NCOA1: variants seen among roughly 807,000 people sequenced by gnomAD.
NCOA1 encodes the protein Hin-2 protein.
A neutral mutation model predicts 150.9 loss-of-function variants in NCOA1; 35 were observed. The observed-to-expected ratio is 0.23, with a 90% CI of 0.18 to 0.31. NCOA1 has a LOEUF of 0.31. NCOA1 is among the 10% of genes least tolerant of loss of function. The pLI is 1.00. For synonymous variants in NCOA1, 590 were observed against 630.0 expected, an observed-to-expected ratio of 0.94 and a Z score of 0.95; for missense variants, 1,491 against 1,749.3, an observed-to-expected ratio of 0.85 and a Z score of 2.63.
chr2:24,564,725 G>C (rs1361559561), intron 2 of NCOA1: 1 of 152,108 alleles, frequency 6.6e-6, no homozygotes, highest in African/African-American at 2.4e-5. Context: ...GTTCAGGGTG[G>C]TATGGCTGTA....
intron 1 of NCOA1, among the ~76,000 whole-genome samples, chr2:24,493,343 G>T: frequency 6.6e-6 from 1 of 152,102 alleles, no homozygotes; most frequent in Non-Finnish European, 1.5e-5. Flanking sequence ...GTCTGAGTTG[G>T]GAATATATGG....
intron 13 of NCOA1, among the ~76,000 whole-genome samples, chr2:24,709,702 A>G (rs1003135359): frequency 5.3e-5 from 8 of 152,202 alleles, no homozygotes; most frequent in African/African-American, 1.9e-4. Context: ...TGCTTTTTGC[A>G]CATGTGTAAC....
chr2:24,541,689 A>G (rs1363656057), intron 1 of NCOA1, among the ~76,000 whole-genome samples: 1 of 152,248 alleles, frequency 6.6e-6, no homozygotes, highest in Admixed American at 6.5e-5. Context: ...AAAAGATTTT[A>G]ACACTGATCT....
At chr2:24,738,127 T>G (rs1259930340) in intron 17 of NCOA1, among the ~76,000 whole-genome samples, 2 of 152,112 alleles carry the variant, frequency 1.3e-5, no homozygotes, top group Non-Finnish European at 2.9e-5. Flanking sequence ...TGGTTTGTTT[T>G]CTGATCTAAT....
intron 1 of NCOA1, among the ~76,000 whole-genome samples, chr2:24,546,784 G>T (rs1008657294): frequency 6.6e-6 from 1 of 152,274 alleles, no homozygotes; most frequent in African/African-American, 2.4e-5. Context: ...GGTAACTGGT[G>T]TGGGCTGGAC....
At chr2:24,756,147 G>A (rs1233105178) in intron 20 of NCOA1, among the ~76,000 whole-genome samples, 2 of 151,696 alleles carry the variant, frequency 1.3e-5, no homozygotes, top group Non-Finnish European at 2.9e-5. Context: ...CTAGCTACTC[G>A]GGAGGCTGAG....
intron 10 of NCOA1, among the ~76,000 whole-genome samples, chr2:24,693,709 T>C (rs1394203549): frequency 6.6e-6 from 1 of 151,326 alleles, no homozygotes; most frequent in Non-Finnish European, 1.5e-5. Context: ...GTTTTACTAT[T>C]ATGCTTAAAC....
intron 3 of NCOA1, among the ~76,000 whole-genome samples, chr2:24,599,215 C>CACATGTG (rs1334143337): frequency 6.6e-6 from 1 of 152,060 alleles, no homozygotes; most frequent in African/African-American, 2.4e-5. Flanking sequence ...GAATGATGTA[C>CACATGTG]ACATGTGACT....
At chr2:24,517,004 GCA>G (rs72422469) in intron 1 of NCOA1, among the ~76,000 whole-genome samples, 29,526 of 81,126 alleles carry the variant, frequency 0.36, 4,988 homozygotes, top group Admixed American at 0.47. Flanking sequence ...ACACACGCGC[GCA>G]CACACACACA....
chr2:24,740,255 A>T (rs1321595439), intron 18 of NCOA1, among the ~76,000 whole-genome samples: 1 of 152,218 alleles, frequency 6.6e-6, no homozygotes, highest in African/African-American at 2.4e-5. Flanking sequence ...AGAGATAAAT[A>T]CAGCCATGCA....
At chr2:24,658,350 T>C (rs982690616) in intron 4 of NCOA1, among the ~76,000 whole-genome samples, 25 of 152,234 alleles carry the variant, frequency 1.6e-4, no homozygotes, top group African/African-American at 5.8e-4. Flanking sequence ...AAATGATTAT[T>C]TTCTCTTTGG....
At chr2:24,762,334 A>T (rs923769620) in intron 21 of NCOA1, among the ~76,000 whole-genome samples, 1 of 152,244 alleles carries the variant, frequency 6.6e-6, no homozygotes, top group Non-Finnish European at 1.5e-5. Flanking sequence ...GTCTACCACT[A>T]ATTAACATAT....
At chr2:24,765,530 G>A (rs1209778454) in intron 22 of NCOA1, among the ~76,000 whole-genome samples, 1 of 151,146 alleles carries the variant, frequency 6.6e-6, no homozygotes, top group Non-Finnish European at 1.5e-5. Context: ...GAAATGAAGA[G>A]TCTTCATTCA....
intron 5 of NCOA1, among the ~76,000 whole-genome samples, chr2:24,659,975 C>G (rs1671107432): frequency 1.3e-5 from 2 of 152,226 alleles, no homozygotes; most frequent in Admixed American, 1.3e-4. Flanking sequence ...ATGCTGCTTT[C>G]TCTCATGGGA....
chr2:24,654,069 A>C (rs930478683), intron 4 of NCOA1, among the ~76,000 whole-genome samples: 1 of 152,162 alleles, frequency 6.6e-6, no homozygotes, highest in African/African-American at 2.4e-5. Flanking sequence ...GGTTAATCTT[A>C]TTTATGCTTC....
rs376500275 is a variant in NCOA1 at position 24,665,884 on chromosome 2, T to C, written c.225T>C (p.Asp75=). 5.3e-5 allele frequency: 84 copies of C among 1,594,492 alleles called. No individual in the cohort carries two copies. The highest frequency in any genetic ancestry group is 6.7e-5 in the Non-Finnish European group (78 of 1,169,936). ...DKCKILKKTV[D]QIQLMKRMEQ... ...GCAAGATTTTGAAGAAAACAGTCGATCAGATACAGCTAATGAAGAGAATGG... is the reference window on the plus strand; with the variant it reads ...GCAAGATTTTGAAGAAAACAGTCGACCAGATACAGCTAATGAAGAGAATGG... The change falls in exon 6 of 23, where the codon GAT becomes GAC. Residue 75 remains aspartate, a synonymous_variant. Coordinates refer to ENST00000348332, the MANE Select transcript of NCOA1 (RefSeq NM_003743.5).
chr2:24,698,224 T>A (rs934479414), intron 11 of NCOA1, among the ~76,000 whole-genome samples: 1 of 150,002 alleles, frequency 6.7e-6, no homozygotes, highest in Non-Finnish European at 1.5e-5. Flanking sequence ...AAGAAAAAAA[T>A]TAATTCTGAC....
At chr2:24,630,540 TACTGGTCC>T (rs1422873387) in intron 3 of NCOA1, among the ~76,000 whole-genome samples, 3 of 152,344 alleles carry the variant, frequency 2.0e-5, no homozygotes, top group Admixed American at 1.3e-4. Context: ...TTCTCTTTAT[TACTGGTCC>T]ACTGGTGGAA....
At chr2:24,728,165 T>G in intron 15 of NCOA1, 143 bp from the exon 16 acceptor site, 1 of 571,290 alleles carries the variant, frequency 1.8e-6, no homozygotes, top group Non-Finnish European at 2.9e-6. Flanking sequence ...ACATTAAACA[T>G]AGAACATTCC....
Sources: allele counts gnomAD v4.1 joint callset (sites outside exome capture counted in the v4.1 genomes callset), GRCh38; gene constraint gnomAD v4.1.1; transcripts MANE v1.5; gene names NCBI Gene and HGNC (gene_info 2026-07-23, HGNC 2026-07-21).